Variants in RAB5C observed in about 807,000 individuals in gnomAD.
RAB5C encodes ras-related protein Rab-5C.
A neutral mutation model predicts 25.2 loss-of-function variants in RAB5C; 4 were observed. The observed-to-expected ratio is 0.16, with a 90% CI of 0.08 to 0.36. RAB5C has a LOEUF of 0.36. Ranked by LOEUF, RAB5C falls within the 10% of genes least tolerant of loss-of-function variation. The pLI is 1.00. For synonymous variants in RAB5C, 100 were observed against 106.4 expected, an observed-to-expected ratio of 0.94 and a Z score of 0.37; for missense variants, 199 against 283.8, an observed-to-expected ratio of 0.70 and a Z score of 2.15.
chr17:42,137,469 A>T (rs1169401103), intron 1 of RAB5C, among the ~76,000 whole-genome samples: 5 of 152,246 alleles, frequency 3.3e-5, no homozygotes, highest in African/African-American at 1.2e-4. Flanking sequence ...AGGTTAAAAA[A>T]TGCTGCTGGT....
At chr17:42,126,947 C>G (rs921808449) in intron 4 of RAB5C, 99 bp from the exon 5 acceptor site, 10 of 713,014 alleles carry the variant, frequency 1.4e-5, no homozygotes, top group Admixed American at 6.4e-5. Flanking sequence ...AGCACCTTAT[C>G]ATAATAGAGA....
intron 1 of RAB5C, among the ~76,000 whole-genome samples, chr17:42,146,845 A>T (rs1224048090): frequency 6.6e-6 from 1 of 151,582 alleles, no homozygotes; most frequent in Non-Finnish European, 1.5e-5. Context: ...CCTCTACTAA[A>T]AGTACAAAAA....
At chr17:42,140,499 ATATATATATATATATATTTTT>A (rs1421429324) in intron 1 of RAB5C, among the ~76,000 whole-genome samples, 24 of 41,514 alleles carry the variant, frequency 5.8e-4, no homozygotes, top group African/African-American at 2.5e-3. Flanking sequence ...ATATATATAT[ATATATATATATATATATTTTT>A]TTTTTTTTTT....
At chr17:42,140,834 T>C (rs1423255086) in intron 1 of RAB5C, among the ~76,000 whole-genome samples, 1 of 150,876 alleles carries the variant, frequency 6.6e-6, no homozygotes, top group Non-Finnish European at 1.5e-5. Context: ...CTCTTTTTTC[T>C]ATATACATTT....
chr17:42,147,076 GAA>G (rs2079640924), intron 1 of RAB5C, among the ~76,000 whole-genome samples: 1 of 139,788 alleles, frequency 7.2e-6, no homozygotes, highest in Non-Finnish European at 1.6e-5. Flanking sequence ...GAAAGAAAAA[GAA>G]AGAAAGAAAG....
chr17:42,150,544 CAAAAAA>C (rs759878778), intron 1 of RAB5C, among the ~76,000 whole-genome samples: 2 of 19,388 alleles, frequency 1.0e-4, no homozygotes, highest in Admixed American at 9.1e-4. Flanking sequence ...AACTCCATCT[CAAAAAA>C]AAAAAAAAAA....
chr17:42,151,145 T>C (rs1042699501), intron 1 of RAB5C, among the ~76,000 whole-genome samples: 3 of 151,900 alleles, frequency 2.0e-5, no homozygotes, highest in Admixed American at 6.6e-5. Context: ...GGGTTAGAAG[T>C]AGAAGGTCTG....
At chr17:42,147,120 GAAAC>G (rs1430041857) in intron 1 of RAB5C, among the ~76,000 whole-genome samples, 9 of 148,580 alleles carry the variant, frequency 6.1e-5, no homozygotes, top group Admixed American at 1.4e-4. Context: ...AAGAAAGAAA[GAAAC>G]AGAAAGAAAG....
chr17:42,126,426 A>C lies in RAB5C; in HGVS notation c.535+329T>G, dbSNP rs2054423893. 7 of 183,658 alleles carry C rather than the reference A, an allele frequency of 3.8e-5. No homozygotes were observed. The South Asian group carries it at 7.6e-4, about 20-fold the overall frequency. The allele number at this position is 183,658 out of a possible 1,614,324, so 11.4% of individuals were successfully genotyped here. ...GGCGGGTGGATCACGAGGTCAGGAG[A>C]TCGAGACCATCCTGGCTAACACCGT... On this transcript the variant is annotated intron_variant, in intron 5 of 5. Transcript: ENST00000346213.
chr17:42,128,765 T>C lies in RAB5C; in HGVS notation c.202A>G (p.Thr68Ala). 2 of 1,576,572 alleles carry C rather than the reference T, an allele frequency of 1.3e-6. No homozygotes were observed. The highest frequency in any genetic ancestry group is 1.7e-6 in the Non-Finnish European group (2 of 1,162,756). ...FLTQTVCLDD[T>A]TVKFEIWDTA... Reference sequence around the variant, plus strand: ...TCCCAGATCTCAAACTTGACTGTTGTGTCATCCAGGCAGACAGTCTGTGTG... The same window carrying C: ...TCCCAGATCTCAAACTTGACTGTTGCGTCATCCAGGCAGACAGTCTGTGTG... Residue 68 changes from threonine (T) to alanine (A), a missense_variant, in exon 3 of 6, where the codon ACA becomes GCA. By Grantham distance (58) the Thr-to-Ala change is moderately conservative (BLOSUM62 0). This residue lies in a region of RAB5C where 154 missense variants were observed against 199.6 expected (regional missense o/e 0.77). Transcript: ENST00000346213.
intron 1 of RAB5C, among the ~76,000 whole-genome samples, chr17:42,153,580 C>T (rs1325372323): frequency 6.6e-6 from 1 of 152,194 alleles, no homozygotes; most frequent in African/African-American, 2.4e-5. Flanking sequence ...TAGCCCAGAA[C>T]ACTGAAGAGC....
At chr17:42,151,408 G>A (rs370677538) in intron 1 of RAB5C, among the ~76,000 whole-genome samples, 26 of 152,004 alleles carry the variant, frequency 1.7e-4, no homozygotes, top group African/African-American at 6.0e-4. Flanking sequence ...CTGCACTCCA[G>A]CCTAGGCGAC....
chr17:42,145,707 G>A (rs899753005), intron 1 of RAB5C, among the ~76,000 whole-genome samples: 4 of 152,216 alleles, frequency 2.6e-5, no homozygotes, highest in Non-Finnish European at 5.9e-5. Flanking sequence ...CTTGAGCCGA[G>A]ATTGCACCAC....
chr17:42,138,173 C>T (rs1425847498), intron 1 of RAB5C, among the ~76,000 whole-genome samples: 1 of 152,066 alleles, frequency 6.6e-6, no homozygotes, highest in Non-Finnish European at 1.5e-5. Flanking sequence ...CACTCCCCAA[C>T]CAGTCTAGAG....
At chr17:42,131,443 C>T (rs992148018) in intron 1 of RAB5C, among the ~76,000 whole-genome samples, 1 of 151,832 alleles carries the variant, frequency 6.6e-6, no homozygotes, top group Non-Finnish European at 1.5e-5. Flanking sequence ...GAAACACACA[C>T]ACACACACAC....
In RAB5C at chr17:42,125,364, G is replaced by C. The variant is rs782082157; in HGVS notation, c.*419C>G. 26 of 156,530 alleles carry C rather than the reference G, an allele frequency of 1.7e-4. No individual in the cohort carries two copies. Among genetic ancestry groups the C allele is most frequent in the Non-Finnish European group, 2.7e-4 (19 of 70,526 alleles). The allele number at this position is 156,530 out of a possible 1,614,324, so 9.7% of individuals were successfully genotyped here. On this transcript the variant is annotated 3_prime_UTR_variant, in exon 6 of 6. Coordinates refer to ENST00000346213, the MANE Select transcript of RAB5C (RefSeq NM_004583.4). ...CACCGCCCAAACCAAAGACCACTCC[G>C]AACAAAGTGAGGATGTGGATGCTCT...
intron 1 of RAB5C, among the ~76,000 whole-genome samples, chr17:42,151,687 T>C (rs1396724700): frequency 6.6e-6 from 1 of 152,140 alleles, no homozygotes; most frequent in Non-Finnish European, 1.5e-5. Context: ...TAACTTTCAT[T>C]TTCTAGCCAT....
intron 4 of RAB5C, 121 bp from the exon 5 acceptor site, chr17:42,126,969 C>T: frequency 1.7e-6 from 1 of 582,732 alleles, no homozygotes. Context: ...CAGCTGGACA[C>T]ACACAGGAGT....
intron 1 of RAB5C, among the ~76,000 whole-genome samples, chr17:42,136,692 A>C (rs1490580565): frequency 6.6e-6 from 1 of 152,206 alleles, no homozygotes; most frequent in Non-Finnish European, 1.5e-5. Flanking sequence ...CCCAGAGGCT[A>C]GAATTGGTAG....
Sources: gnomAD v4.1 joint callset for allele counts (sites outside exome capture counted in the v4.1 genomes callset) on GRCh38, gnomAD v4.1.1 for gene constraint, gnomAD v4.1.1 regional missense constraint, MANE v1.5 for transcripts, NCBI Gene and HGNC (gene_info 2026-07-23, HGNC 2026-07-21) for gene names.